GPHN: variants seen among roughly 807,000 people sequenced by gnomAD.
The protein encoded by GPHN is gephyrin.
GPHN carries 17 observed loss-of-function variants against 95.5 expected under a neutral mutation model. The observed-to-expected ratio is 0.18, with a 90% CI of 0.12 to 0.27. The LOEUF is 0.27. GPHN is among the 10% of genes least tolerant of loss of function. The probability of loss-of-function intolerance (pLI) is 1.00; values close to 1 mark genes in which losing one functional copy is unlikely to be tolerated. For synonymous variants in GPHN, 320 were observed against 322.5 expected, an observed-to-expected ratio of 0.99 and a Z score of 0.08; for missense variants, 660 against 978.1, an observed-to-expected ratio of 0.67 and a Z score of 4.34.
intron 12 of GPHN, among the ~76,000 whole-genome samples, chr14:67,091,232 T>C (rs547451203): frequency 1.1e-3 from 175 of 152,176 alleles, no homozygotes; most frequent in African/African-American, 4.0e-3. Flanking sequence ...ACTTCTGAAA[T>C]TGGCAAAGCC....
At chr14:67,190,496 TACAGGCGTGAGCCGTTGTGCCC>T in the GPHN span, among the ~76,000 whole-genome samples, 4 of 152,254 alleles carry the variant, frequency 2.6e-5, no homozygotes, top group African/African-American at 9.6e-5. Context: ...GTTCTGGGAT[TACAGGCGTGAGCCGTTGTGCCC>T]GGCCTGTTTT....
At chr14:66,658,318 C>T (rs2065426899) in intron 1 of GPHN, among the ~76,000 whole-genome samples, 1 of 151,968 alleles carries the variant, frequency 6.6e-6, no homozygotes, top group African/African-American at 2.4e-5. Context: ...GGTGAAGATG[C>T]TGTGAATATT....
At chr14:67,025,353 C>T (rs1312726185) in intron 10 of GPHN, among the ~76,000 whole-genome samples, 4 of 152,062 alleles carry the variant, frequency 2.6e-5, no homozygotes, top group African/African-American at 9.7e-5. Context: ...TGCAAGCTGG[C>T]CCTGAAAACC....
chr14:66,562,474 T>A (rs1004941595), intron 1 of GPHN, among the ~76,000 whole-genome samples: 7 of 151,998 alleles, frequency 4.6e-5, no homozygotes, highest in African/African-American at 1.7e-4. Flanking sequence ...TTAACAAAAT[T>A]TGGGGTGGGG....
chr14:67,111,965 A>G (rs748692568), intron 15 of GPHN, 46 bp downstream of exon 15: 7 of 1,367,368 alleles, frequency 5.1e-6, no homozygotes, highest in Admixed American at 1.7e-5. Flanking sequence ...TTGTTTCTAC[A>G]TGATCATTTA....
chr14:67,396,759 T>C, the GPHN span, among the ~76,000 whole-genome samples: 25,328 of 135,034 alleles, frequency 0.19, no homozygotes, highest in African/African-American at 0.41. Context: ...ATAAAGGGTT[T>C]TCTGCAGCTC....
intron 9 of GPHN, among the ~76,000 whole-genome samples, chr14:67,018,397 A>T (rs1335303301): frequency 6.6e-6 from 1 of 152,086 alleles, no homozygotes; most frequent in South Asian, 2.1e-4. Flanking sequence ...TCTAAGCTGG[A>T]TCTTAAAGGA....
the GPHN span, among the ~76,000 whole-genome samples, chr14:67,507,076 C>T: frequency 6.6e-6 from 1 of 152,282 alleles, no homozygotes; most frequent in South Asian, 2.1e-4. Context: ...ACAAAGAAGA[C>T]GTGGTCCCTG....
chr14:67,706,903 T>G, the GPHN span, among the ~76,000 whole-genome samples: 1 of 152,178 alleles, frequency 6.6e-6, no homozygotes, highest in African/African-American at 2.4e-5. Flanking sequence ...AAGCTCATTT[T>G]TAGAAGGTTG....
chr14:67,424,342 G>T, the GPHN span, among the ~76,000 whole-genome samples: 2 of 152,000 alleles, frequency 1.3e-5, no homozygotes, highest in South Asian at 4.2e-4. Context: ...AGTGTGCCAG[G>T]CACAGTGATT....
At chr14:66,969,475 A>G (rs991234923) in intron 9 of GPHN, 2 of 152,200 alleles carry the variant, frequency 1.3e-5, no homozygotes, top group African/African-American at 4.8e-5. Context: ...GCTGATTTTC[A>G]ATTATGAAGG....
the GPHN span, among the ~76,000 whole-genome samples, chr14:67,493,826 C>G: frequency 2.6e-5 from 4 of 152,126 alleles, no homozygotes; most frequent in Admixed American, 1.3e-4. Flanking sequence ...ATAAGGATGT[C>G]AGTCTGAAAT....
At chr14:66,760,672 C>T (rs144389664) in intron 2 of GPHN, 278 of 427,804 alleles carry the variant, frequency 6.5e-4, no homozygotes, top group African/African-American at 5.6e-3. Flanking sequence ...ATAATCCTCG[C>T]AAAGTTAGGT....
intron 6 of GPHN, among the ~76,000 whole-genome samples, chr14:66,916,591 T>C (rs1212055386): frequency 6.6e-6 from 1 of 151,340 alleles, no homozygotes; most frequent in Non-Finnish European, 1.5e-5. Context: ...TTCCCAGAGA[T>C]TGGATTGATA....
the GPHN span, among the ~76,000 whole-genome samples, chr14:67,305,286 A>AT: frequency 4.1e-3 from 602 of 146,928 alleles, 18 homozygotes; most frequent in South Asian, 0.053. Flanking sequence ...AAGTTAAGAC[A>AT]TTTTTTTTTT....
At chr14:67,619,916 G>T in the GPHN span, 2 of 1,143,878 alleles carry the variant, frequency 1.7e-6, no homozygotes, top group Non-Finnish European at 2.4e-6. Flanking sequence ...GGGCGGTGGC[G>T]CTCACTCCCG....
intron 3 of GPHN, among the ~76,000 whole-genome samples, chr14:66,822,726 A>G (rs2061245672): frequency 6.6e-6 from 1 of 152,172 alleles, no homozygotes; most frequent in South Asian, 2.1e-4. Context: ...TCTTAATGTT[A>G]ATACTGAAAG....
At chr14:67,147,253 A>G (rs1156797870) in intron 18 of GPHN, among the ~76,000 whole-genome samples, 1 of 152,192 alleles carries the variant, frequency 6.6e-6, no homozygotes, top group Non-Finnish European at 1.5e-5. Context: ...TGATATCTCA[A>G]TAGCAATGTT....
At chr14:66,790,031 G>A (rs557693784) in intron 3 of GPHN, among the ~76,000 whole-genome samples, 1 of 152,308 alleles carries the variant, frequency 6.6e-6, no homozygotes, top group South Asian at 2.1e-4. Context: ...GGGGTTTCAT[G>A]AGGAAAACAG....
Sources: gnomAD v4.1 joint callset for allele counts (sites outside exome capture counted in the v4.1 genomes callset) on GRCh38, gnomAD v4.1.1 for gene constraint, MANE v1.5 for transcripts, NCBI Gene and HGNC (gene_info 2026-07-23, HGNC 2026-07-21) for gene names.